Variants in TMPRSS15 observed in about 807,000 individuals in gnomAD.
The protein encoded by TMPRSS15 is enteropeptidase.
TMPRSS15 carries 128 observed loss-of-function variants against 125.3 expected under a neutral mutation model. The observed-to-expected ratio is 1.02, with a 90% CI of 0.89 to 1.18. The LOEUF (loss-of-function observed/expected upper bound fraction) is 1.18. TMPRSS15 is among the 50% of genes most tolerant of loss of function. TMPRSS15 has a pLI of 0.00. For synonymous variants in TMPRSS15, 446 were observed against 423.2 expected, an observed-to-expected ratio of 1.05 and a Z score of -0.66; for missense variants, 1,283 against 1,212.7, an observed-to-expected ratio of 1.06 and a Z score of -0.86.
At chr21:18,403,394 TA>T in intron 1 of TMPRSS15, 83 bp downstream of exon 1, 1 of 1,579,948 alleles carries the variant, frequency 6.3e-7, no homozygotes, top group Non-Finnish European at 8.7e-7. Context: ...TGGCAATGAA[TA>T]AAATAGACTT....
intron 1 of TMPRSS15, among the ~76,000 whole-genome samples, chr21:18,409,195 A>G (rs1479433247): frequency 6.6e-6 from 1 of 151,842 alleles, no homozygotes; most frequent in Non-Finnish European, 1.5e-5. Flanking sequence ...GTGCCAATGT[A>G]TGATGCTAAC....
At chr21:18,369,595 A>G (rs1375677631) in intron 6 of TMPRSS15, among the ~76,000 whole-genome samples, 5 of 152,202 alleles carry the variant, frequency 3.3e-5, no homozygotes, top group African/African-American at 7.2e-5. Context: ...TATGACTATC[A>G]ATAACACAAA....
At chr21:18,390,223 C>T (rs1442281229) in intron 3 of TMPRSS15, among the ~76,000 whole-genome samples, 1 of 152,122 alleles carries the variant, frequency 6.6e-6, no homozygotes, top group Non-Finnish European at 1.5e-5. Flanking sequence ...CAGTAACATG[C>T]CTGTGCTTTT....
chr21:18,378,148 C>T (rs1277506173), intron 5 of TMPRSS15, among the ~76,000 whole-genome samples: 1 of 152,088 alleles, frequency 6.6e-6, no homozygotes, highest in African/African-American at 2.4e-5. Context: ...TTTAGGAGCA[C>T]ATTTTTCAAA....
Position 18,368,179 on chromosome 21 carries a change from T to C in TMPRSS15, c.665-2931A>G, listed in dbSNP as rs140431316. Among the ~76,000 whole-genome samples, 578 of 152,274 alleles carry C rather than the reference T, an allele frequency of 3.8e-3. 4 individuals are homozygous for C. Among genetic ancestry groups the C allele is most frequent in the African/African-American group, 0.013 (541 of 41,564 alleles). ...ACCTGTTTGTAAAGCTGATAAAATT[T>C]TAGTCATTTTTCCCACCTGTTCACT... On this transcript the variant is annotated intron_variant, in intron 6 of 24. Coordinates refer to ENST00000284885, the MANE Select transcript of TMPRSS15 (RefSeq NM_002772.3).
chr21:18,369,805 G>C (rs1276933540), intron 6 of TMPRSS15, among the ~76,000 whole-genome samples: 1 of 152,006 alleles, frequency 6.6e-6, no homozygotes, highest in South Asian at 2.1e-4. Flanking sequence ...AAGTCATTAG[G>C]CTTGTGGGCT....
chr21:18,390,978 C>T (rs1486111094), intron 3 of TMPRSS15, among the ~76,000 whole-genome samples: 17 of 152,082 alleles, frequency 1.1e-4, no homozygotes, highest in Non-Finnish European at 5.9e-5. Context: ...GGGGAAGAAG[C>T]CCTTATGAAA....
intron 6 of TMPRSS15, among the ~76,000 whole-genome samples, chr21:18,365,570 C>T (rs1239168813): frequency 1.2e-4 from 10 of 83,440 alleles, no homozygotes; most frequent in South Asian, 4.5e-4. Flanking sequence ...TTCTTTCTCT[C>T]TCTTTCTCTC....
rs546065618 is a variant in TMPRSS15, at chr21:18,415,793, G to A, written c.11-17464C>T. ...ATTCTGTAAAGTCCTGGAAGTCTTA[G>A]CCAGAACCATTAGGTAAGAGAAAGA... On this transcript the variant is annotated intron_variant, in intron 1 of 7. Transcript: ENST00000422787. Among the ~76,000 whole-genome samples the A allele has an allele frequency of 2.0e-5, 3 of 152,072 alleles. No homozygotes were observed. The South Asian group carries it at 6.2e-4, about 32-fold the overall frequency.
chr21:18,314,770 T>C (rs2824732), intron 17 of TMPRSS15, among the ~76,000 whole-genome samples: 66,475 of 151,868 alleles, frequency 0.44, 15,145 homozygotes, highest in South Asian at 0.57. Flanking sequence ...AAGTGAACTA[T>C]AAGTAAGCAC....
At chr21:18,452,334 C>T (rs540567263) in intron 1 of TMPRSS15, among the ~76,000 whole-genome samples, 2 of 152,230 alleles carry the variant, frequency 1.3e-5, no homozygotes, top group South Asian at 4.1e-4. Flanking sequence ...AATGTATACA[C>T]ACACATAAGC....
chr21:18,291,473 A>G (rs1352641288), intron 21 of TMPRSS15, among the ~76,000 whole-genome samples: 1 of 152,218 alleles, frequency 6.6e-6, no homozygotes, highest in East Asian at 1.9e-4. Context: ...CTGTTCAATT[A>G]AACCATTTAA....
intron 1 of TMPRSS15, among the ~76,000 whole-genome samples, chr21:18,435,085 T>C (rs1413036389): frequency 1.3e-5 from 2 of 152,114 alleles, no homozygotes; most frequent in East Asian, 3.9e-4. Context: ...CACCAATTTT[T>C]TTTACAAAAG....
rs546132116 is a variant in TMPRSS15 at position 18,373,067 on chromosome 21, A to G, written c.533-743T>C. Among the ~76,000 whole-genome samples the G allele has an allele frequency of 1.4e-4, 22 of 152,306 alleles. No homozygotes were observed. The East Asian group carries it at 4.0e-3, about 28-fold the overall frequency. On this transcript the variant is annotated intron_variant, in intron 5 of 24. Transcript: ENST00000284885. ...TGAATATAACAACAATGATGGTGAA[A>G]AGTTTTGGAACTCTTTAACTCATCA...
chr21:18,392,553 G>A lies in TMPRSS15; in HGVS notation c.344+5326C>T, dbSNP rs559182667. On this transcript the variant is annotated intron_variant, in intron 3 of 24. Coordinates refer to ENST00000284885, the MANE Select transcript of TMPRSS15 (RefSeq NM_002772.3). ...CAAGTCTCTGAGAAGACTCCTTCCC[G>A]TCTTCTTCTGAGTTCTCCAAACTAC... Among the ~76,000 whole-genome samples, 5 of 152,164 alleles carry A rather than the reference G, an allele frequency of 3.3e-5. No individual in the cohort carries two copies. The East Asian group carries it at 5.8e-4, about 18-fold the overall frequency.
At position 18,312,949 on chromosome 21, in the gene TMPRSS15, G is replaced by C. The variant is rs1035480650; in HGVS notation, c.2161C>G (p.Leu721Val). ...GAACTCAGTAGAATTACTTACCCTA[G>C]TCCCAGCAGTTGACAAACATCATTT... The part of the protein sequence containing the change: ...ISNDVCQLLG[L>V]GSGNSSKPIF... Residue 721 changes from leucine to valine, a missense_variant, in exon 18 of 25, where the codon CTA becomes GTA. By Grantham distance (32) the Leu-to-Val change is conservative. Coordinates refer to ENST00000284885, the MANE Select transcript of TMPRSS15 (RefSeq NM_002772.3). 1.7e-5 allele frequency: 28 copies of C among 1,613,580 alleles called. No homozygotes were observed. Among genetic ancestry groups the C allele is most frequent in the Non-Finnish European group, 2.4e-5 (28 of 1,179,636 alleles).
chr21:18,446,607 G>C (rs2076256281), intron 1 of TMPRSS15, among the ~76,000 whole-genome samples: 1 of 152,028 alleles, frequency 6.6e-6, no homozygotes, highest in Admixed American at 6.6e-5. Context: ...CAGATACATA[G>C]ATCAATAGAA....
chr21:18,338,940 T>C (rs1420653890), intron 13 of TMPRSS15, among the ~76,000 whole-genome samples: 2 of 152,168 alleles, frequency 1.3e-5, no homozygotes, highest in Non-Finnish European at 2.9e-5. Context: ...TTGCATCCAT[T>C]TTATGAGTAT....
intron 21 of TMPRSS15, among the ~76,000 whole-genome samples, chr21:18,288,556 G>GA (rs2074794203): frequency 2.1e-5 from 1 of 47,428 alleles, no homozygotes; most frequent in African/African-American, 7.7e-5. Context: ...TTTTTTTTGA[G>GA]ATGGAGTGTT....
Sources: gnomAD v4.1 joint callset for allele counts (sites outside exome capture counted in the v4.1 genomes callset) on GRCh38, gnomAD v4.1.1 for gene constraint, MANE v1.5 for transcripts, NCBI Gene and HGNC (gene_info 2026-07-23, HGNC 2026-07-21) for gene names.